Variants in ACBD4 observed in about 807,000 individuals in gnomAD.
ACBD4 encodes the protein acyl-CoA-binding domain-containing protein 4.
ACBD4 carries 41 observed loss-of-function variants against 46.0 expected under a neutral mutation model. The observed-to-expected ratio is 0.89, with a 90% confidence interval of 0.69 to 1.16. The LOEUF (loss-of-function observed/expected upper bound fraction) is 1.16, where lower values mean the gene tolerates loss of function less well. Among genes scored for constraint, ACBD4 ranks in the 50% most tolerant of loss-of-function variants. The pLI, the probability that ACBD4 is intolerant of heterozygous loss-of-function variation, is 0.00. For synonymous variants in ACBD4, 162 were observed against 155.9 expected, an observed-to-expected ratio of 1.04 and a Z score of -0.29; for missense variants, 393 against 399.5, an observed-to-expected ratio of 0.98 and a Z score of 0.14.
upstream of ACBD4, chr17:45,133,036 G>C (rs2054535969): frequency 6.6e-6 from 1 of 152,404 alleles, no homozygotes; most frequent in Non-Finnish European, 1.5e-5. Flanking sequence ...GCCAGGCCAG[G>C]TGCTGCCCCC....
At chr17:45,136,944 GGT>G in intron 4 of ACBD4, 73 bp from the exon 5 acceptor site, 1 of 1,606,600 alleles carries the variant, frequency 6.2e-7, no homozygotes, top group Admixed American at 1.7e-5. Context: ...ACAGGGTGGA[GGT>G]GTGTGACAGG....
At chr17:45,133,626 G>C (rs1426129333), upstream of ACBD4, among the ~76,000 whole-genome samples, 3 of 137,336 alleles carry the variant, frequency 2.2e-5, no homozygotes, top group Admixed American at 7.9e-5. Flanking sequence ...CCGCCTCCCG[G>C]GTTCACGCCA....
At position 45,137,916 on chromosome 17, in the gene ACBD4, T is replaced by C; in HGVS notation, c.577T>C (p.Trp193Arg). 1 of 1,613,932 alleles carries C rather than the reference T, an allele frequency of 6.2e-7. No individual in the cohort carries two copies. The highest frequency in any genetic ancestry group is 2.2e-5 in the East Asian group (1 of 44,882). ...SLEQLEPELV[W>R]TEQRAASGGK... ...GCTCTCTGACTCATCTCAGCAGGTTTGGACAGAGCAGCGGGCAGCATCTGG... is the reference window on the plus strand; with the variant it reads ...GCTCTCTGACTCATCTCAGCAGGTTCGGACAGAGCAGCGGGCAGCATCTGG... Residue 193 changes from tryptophan (W) to arginine (R), a missense_variant, in exon 8 of 10, where the codon TGG (tryptophan) becomes CGG (arginine). Physicochemically the swap from Trp to Arg is moderately radical, Grantham distance 101. This residue lies in a region of ACBD4 where 308 missense variants were observed against 301.8 expected (regional missense o/e 1.02). Coordinates refer to ENST00000321854, the MANE Select transcript of ACBD4 (RefSeq NM_001135705.3).
At chr17:45,133,563 G>T (rs2054595239), upstream of ACBD4, among the ~76,000 whole-genome samples, 1 of 109,892 alleles carries the variant, frequency 9.1e-6, no homozygotes, top group Non-Finnish European at 1.7e-5. Flanking sequence ...ACGGAGTCTC[G>T]CTCCGTCGCC....
chr17:45,143,493 G>T lies in ACBD4; in HGVS notation c.840G>T (p.Gly280=). 1 of 1,613,636 alleles carries T rather than the reference G, an allele frequency of 6.2e-7. No individual in the cohort carries two copies. The highest frequency in any genetic ancestry group is 8.5e-7 in the Non-Finnish European group (1 of 1,179,986). The change falls in exon 10 of 10, where the codon GGG becomes GGT. Residue 280 remains glycine, a synonymous_variant. Coordinates refer to ENST00000321854, the MANE Select transcript of ACBD4 (RefSeq NM_001135705.3). The stretch of plus-strand genomic sequence containing the variant: ...GGCCATGGCCCCTTGGGCTCCCGGG[G>T]CCCGCGCTGCTCTTCTTCCTCCTGT... ...SARPWPLGLP[G]PALLFFLLWP... is the part of the protein sequence containing the mutation.
chr17:45,132,301 G>A, upstream of ACBD4: 2 of 1,263,068 alleles, frequency 1.6e-6, no homozygotes, highest in East Asian at 5.9e-5. This position sits in a 1 kb window ranked among gnomAD's most constrained non-coding sequence, Gnocchi z 4.6. Flanking sequence ...ATCGGAGGGA[G>A]TCGGCGGGGA....
intron 9 of ACBD4, chr17:45,142,514 G>A (rs1262529236): frequency 1.2e-5 from 3 of 255,690 alleles, no homozygotes; most frequent in East Asian, 3.0e-4. Flanking sequence ...GTGGGCTCAT[G>A]GATTTCACAG....
chr17:45,134,455 A>C (rs2054657782), upstream of ACBD4, among the ~76,000 whole-genome samples: 1 of 152,172 alleles, frequency 6.6e-6, no homozygotes, highest in African/African-American at 2.4e-5. Context: ...TGCCTCTACA[A>C]AAATTGTTTT....
At chr17:45,132,491 G>A, upstream of ACBD4, 2 of 930,944 alleles carry the variant, frequency 2.1e-6, no homozygotes, top group African/African-American at 3.5e-5. The surrounding 1 kb of genome is among the most constrained non-coding windows in gnomAD (Gnocchi z 4.6). Flanking sequence ...CCCGGCCCCG[G>A]CTCTGAGCGA....
upstream of ACBD4, among the ~76,000 whole-genome samples, chr17:45,132,861 C>T (rs569286303): frequency 6.6e-6 from 1 of 152,162 alleles, no homozygotes; most frequent in Non-Finnish European, 1.5e-5. This position sits in a 1 kb window ranked among gnomAD's most constrained non-coding sequence, Gnocchi z 4.6. Context: ...TCCGCGTCCC[C>T]GTCGCGCCGC....
upstream of ACBD4, among the ~76,000 whole-genome samples, chr17:45,133,821 G>A (rs1199669137): frequency 6.6e-6 from 1 of 151,902 alleles, no homozygotes; most frequent in Non-Finnish European, 1.5e-5. Flanking sequence ...GTGAGCCACC[G>A]CGCCCGGCCC....
chr17:45,141,104 T>C (rs2055242649), intron 9 of ACBD4, among the ~76,000 whole-genome samples: 1 of 152,256 alleles, frequency 6.6e-6, no homozygotes, highest in South Asian at 2.1e-4. Context: ...ATTAATTTCT[T>C]AATATCATCA....
chr17:45,136,435 C>T (rs937121767), intron 2 of ACBD4, 65 bp from the exon 3 acceptor site: 64 of 1,557,290 alleles, frequency 4.1e-5, no homozygotes, highest in Non-Finnish European at 5.1e-5. Context: ...GCAGGGTTCT[C>T]CCGCCCCTCC....
Position 45,136,743 on chromosome 17 carries a change from C to A in ACBD4, c.261C>A (p.Ala87=). The A allele has an allele frequency of 6.2e-7, 1 of 1,613,804 alleles. No individual in the cohort carries two copies. The change falls in exon 4 of 10, where the codon GCC becomes GCA. Residue 87 remains alanine (A), a synonymous_variant. Coordinates refer to ENST00000321854, the MANE Select transcript of ACBD4 (RefSeq NM_001135705.3). The stretch of plus-strand genomic sequence containing the variant: ...TGAGCAGGGAGGAGGCCATGTCTGC[C>A]TACATCACTGAAATGAAACTGGTGG... The part of the protein sequence containing the change: ...GKMSREEAMS[A]YITEMKLVAQ...
Position 45,136,578 on chromosome 17 carries a change from T to G in ACBD4, c.167T>G (p.Val56Gly), listed in dbSNP as rs1567897132. Residue 56 changes from valine (V) to glycine (G), a missense_variant, in exon 3 of 10, where the codon GTC becomes GGC. Physicochemically the swap from Val to Gly is moderately radical, Grantham distance 109. Transcript: ENST00000321854. ...YKQATMGPCL[V>G]PRPGFWDPIG... ...CAGGCCACCATGGGGCCCTGCCTGG[T>G]CCCCCGGCCCGGGTTCTGGGACCCC... The G allele has an allele frequency of 6.2e-7, 1 of 1,613,920 alleles. No individual in the cohort carries two copies. Among genetic ancestry groups the G allele is most frequent in the East Asian group, 2.2e-5 (1 of 44,880 alleles).
In ACBD4 at chr17:45,143,985, G is replaced by A; in HGVS notation, c.*414G>A. Reference sequence around the variant, plus strand: ...CGGGGCCTGGAAGAATGATTGGCTGGGAGGCCGCGGGAGGGAGGCCAGGAG... The same window carrying A: ...CGGGGCCTGGAAGAATGATTGGCTGAGAGGCCGCGGGAGGGAGGCCAGGAG... On this transcript the variant is annotated 3_prime_UTR_variant, in exon 10 of 10. Coordinates refer to ENST00000321854, the MANE Select transcript of ACBD4 (RefSeq NM_001135705.3). The A allele has an allele frequency of 5.0e-6, 1 of 199,640 alleles. No homozygotes were observed. Among genetic ancestry groups the A allele is most frequent in the South Asian group, 8.9e-5 (1 of 11,196 alleles). 12.4% of individuals were successfully genotyped at this position (199,640 alleles called of 1,614,324 possible).
chr17:45,138,737 G>A (rs2055048555), intron 8 of ACBD4, among the ~76,000 whole-genome samples: 4 of 151,228 alleles, frequency 2.6e-5, no homozygotes, highest in Non-Finnish European at 2.9e-5. Context: ...GCAGTGAGCC[G>A]AGGTCATTGT....
chr17:45,143,726 C>G lies in ACBD4; in HGVS notation c.*155C>G. The G allele has an allele frequency of 8.0e-7, 1 of 1,242,274 alleles. No individual in the cohort carries two copies. The highest frequency in any genetic ancestry group is 1.4e-5 in the South Asian group (1 of 70,122). The allele number at this position is 1,242,274 out of a possible 1,614,324, so 77.0% of individuals were successfully genotyped here. On this transcript the variant is annotated 3_prime_UTR_variant, in exon 10 of 10. Coordinates refer to ENST00000321854, the MANE Select transcript of ACBD4 (RefSeq NM_001135705.3). ...AAGCAGCGCGGGGGGCAAATAAGAC[C>G]CCACCCCTCCCTGCAGCTTCACAGG...
At chr17:45,139,450 G>T (rs747836194) in intron 9 of ACBD4, among the ~76,000 whole-genome samples, 1 of 152,178 alleles carries the variant, frequency 6.6e-6, no homozygotes, top group Non-Finnish European at 1.5e-5. Flanking sequence ...GCCATGATGT[G>T]TCTGCTCTGG....
Sources: allele counts gnomAD v4.1 joint callset (sites outside exome capture counted in the v4.1 genomes callset), GRCh38; gene constraint gnomAD v4.1.1; regional missense constraint gnomAD v4.1.1; non-coding constraint Gnocchi (gnomAD v3.1); transcripts MANE v1.5; gene names NCBI Gene and HGNC (gene_info 2026-07-23, HGNC 2026-07-21).